LAMA2: variants seen among roughly 807,000 people sequenced by gnomAD.
LAMA2 encodes the protein laminin subunit alpha-2.
In LAMA2, 269 loss-of-function variants were observed where a neutral mutation model predicts 364.8. That is an observed-to-expected ratio of 0.74 (90% CI 0.67 to 0.82). The LOEUF (loss-of-function observed/expected upper bound fraction) is 0.82, where lower values mean the gene tolerates loss of function less well. Ranked by LOEUF, LAMA2 falls within the 40% of genes least tolerant of loss-of-function variation. The pLI is 0.00. For missense variants in LAMA2, 3,807 were observed against 3,873.2 expected, an observed-to-expected ratio of 0.98 and a Z score of 0.45; for synonymous variants, 1,379 against 1,370.6, an observed-to-expected ratio of 1.01 and a Z score of -0.14.
At chr6:129,033,390 G>T (rs1020004192) in intron 1 of LAMA2, among the ~76,000 whole-genome samples, 1 of 152,134 alleles carries the variant, frequency 6.6e-6, no homozygotes, top group African/African-American at 2.4e-5. Context: ...GGCCCATGGG[G>T]AACAGCATCT....
intron 8 of LAMA2, among the ~76,000 whole-genome samples, chr6:129,155,109 C>G (rs1259081602): frequency 6.6e-6 from 1 of 152,138 alleles, no homozygotes; most frequent in Non-Finnish European, 1.5e-5. Flanking sequence ...AGTAGTATTT[C>G]TCTGCACGAA....
In LAMA2 at chr6:129,503,074, A is replaced by G. The variant is rs151175617; in HGVS notation, c.8358-17A>G. The G allele has an allele frequency of 1.9e-6, 3 of 1,612,450 alleles. No homozygotes were observed. Among genetic ancestry groups the G allele is most frequent in the African/African-American group, 1.3e-5 (1 of 74,994 alleles). ...CTGTTATTTTTCTGTTTGACTTTGCATGCTTTTGTTTCACAGTCTCACAAT... is the reference window on the plus strand; with the variant it reads ...CTGTTATTTTTCTGTTTGACTTTGCGTGCTTTTGTTTCACAGTCTCACAAT... On this transcript the variant is annotated splice_polypyrimidine_tract_variant and intron_variant, in intron 59 of 64. Coordinates refer to ENST00000421865, the MANE Select transcript of LAMA2 (RefSeq NM_000426.4).
rs146455951 is a variant in LAMA2 at position 129,391,985 on chromosome 6, T to A, written c.5234+332T>A. ...GCTAATGAGTTTGTTTTGTTAATCATCTGCATTAGGGACTTTTGGACTATC... is the reference window on the plus strand; with the variant it reads ...GCTAATGAGTTTGTTTTGTTAATCAACTGCATTAGGGACTTTTGGACTATC... On this transcript the variant is annotated intron_variant, in intron 36 of 64. Coordinates refer to ENST00000421865, the MANE Select transcript of LAMA2 (RefSeq NM_000426.4). Among the ~76,000 whole-genome samples, 427 of 152,368 alleles carry A rather than the reference T, an allele frequency of 2.8e-3. 3 individuals are homozygous for A. Among genetic ancestry groups the A allele is most frequent in the African/African-American group, 0.01 (420 of 41,600 alleles).
In LAMA2 at chr6:129,098,509, G is replaced by A. The variant is rs57807123; in HGVS notation, c.639+94G>A. On this transcript the variant is annotated intron_variant, in intron 4 of 64. Coordinates refer to ENST00000421865, the MANE Select transcript of LAMA2 (RefSeq NM_000426.4). ...ATATATCAGTAATTAATGTCAGGGA[G>A]ATTTTAAAATAGGATTTAGCAAAAG... 1.3e-3 allele frequency: 1,849 copies of A among 1,419,968 alleles called. 19 individuals carry two copies. In the African/African-American group the frequency reaches 0.023, roughly 18 times the overall value. The allele number at this position is 1,419,968 out of a possible 1,614,324, so 88.0% of individuals were successfully genotyped here.
rs763259978 is a variant in LAMA2, at chr6:129,456,367, C to A, written c.6740C>A (p.Ala2247Asp). 3.1e-6 allele frequency: 5 copies of A among 1,613,566 alleles called. No homozygotes were observed. The South Asian group carries it at 3.3e-5, about 11-fold the overall frequency. ...TGRNGTISVR[A>D]LDGPKASIVP... is the part of the protein sequence containing the mutation. ...AGAAATGGAACTATTTCTGTGAGAG[C>A]CCTGGATGGACCCAAAGCCAGCATT... is the stretch of plus-strand genomic sequence containing the variant. Residue 2247 changes from alanine (A) to aspartate (D), a missense_variant, in exon 48 of 65, where the codon GCC becomes GAC. This residue lies in a region of LAMA2 where 3,333 missense variants were observed against 3,345.7 expected (regional missense o/e 1.00). Coordinates refer to ENST00000421865, the MANE Select transcript of LAMA2 (RefSeq NM_000426.4).
At chr6:128,915,090 G>C (rs1252762999) in intron 1 of LAMA2, among the ~76,000 whole-genome samples, 1 of 152,122 alleles carries the variant, frequency 6.6e-6, no homozygotes, top group Non-Finnish European at 1.5e-5. Flanking sequence ...ATAAGGTTGA[G>C]ATGGCTGAAT....
chr6:129,115,026 T>C (rs552174584), intron 4 of LAMA2, among the ~76,000 whole-genome samples: 1 of 152,216 alleles, frequency 6.6e-6, no homozygotes, highest in South Asian at 2.1e-4. Flanking sequence ...CACATAAGAA[T>C]ATTAATAACA....
intron 40 of LAMA2, among the ~76,000 whole-genome samples, chr6:129,418,985 A>G (rs548315639): frequency 1.3e-5 from 2 of 152,214 alleles, no homozygotes; most frequent in East Asian, 3.9e-4. Flanking sequence ...ACTACCTCAC[A>G]TACTGGTCAT....
chr6:129,086,410 T>TA (rs1383318022), intron 3 of LAMA2, among the ~76,000 whole-genome samples: 4 of 152,208 alleles, frequency 2.6e-5, no homozygotes, highest in African/African-American at 9.7e-5. Context: ...GCTAGCAACT[T>TA]ATAACAGTTT....
At chr6:129,430,578 T>C (rs1016421741) in intron 41 of LAMA2, among the ~76,000 whole-genome samples, 3 of 152,240 alleles carry the variant, frequency 2.0e-5, no homozygotes, top group African/African-American at 7.2e-5. Context: ...ATTTTGTTGA[T>C]GGATATGAGG....
At chr6:129,478,550 A>G (rs1220241039) in intron 53 of LAMA2, 143 bp from the exon 54 acceptor site, 10 of 807,128 alleles carry the variant, frequency 1.2e-5, no homozygotes, top group Non-Finnish European at 2.1e-5. Flanking sequence ...TGGAAACCAG[A>G]GTTTGCTGGG....
At chr6:129,489,616 A>G (rs2114854744) in intron 56 of LAMA2, among the ~76,000 whole-genome samples, 1 of 152,334 alleles carries the variant, frequency 6.6e-6, no homozygotes, top group East Asian at 1.9e-4. Flanking sequence ...AAATAGGCTA[A>G]AGGTCAGGAA....
chr6:129,074,832 A>G (rs900209391), intron 3 of LAMA2, among the ~76,000 whole-genome samples: 21 of 152,258 alleles, frequency 1.4e-4, no homozygotes. Flanking sequence ...AAATTGGCAT[A>G]TAAAGTAGGC....
chr6:129,463,521 G>A (rs1313215533), intron 49 of LAMA2, among the ~76,000 whole-genome samples: 1 of 151,958 alleles, frequency 6.6e-6, no homozygotes, highest in South Asian at 2.1e-4. Context: ...AGTAACATCA[G>A]ACAGATAGGT....
At chr6:129,117,305 C>CA (rs1776534550) in intron 4 of LAMA2, among the ~76,000 whole-genome samples, 1 of 152,122 alleles carries the variant, frequency 6.6e-6, no homozygotes, top group Non-Finnish European at 1.5e-5. Flanking sequence ...TGCAGTGTAA[C>CA]AAAGATGAAG....
At chr6:129,312,241 C>T (rs1038449386) in intron 22 of LAMA2, among the ~76,000 whole-genome samples, 1 of 151,704 alleles carries the variant, frequency 6.6e-6, no homozygotes, top group Admixed American at 6.6e-5. Flanking sequence ...ACATCTTGGG[C>T]GAAGAAAAAC....
intron 1 of LAMA2, among the ~76,000 whole-genome samples, chr6:129,015,103 A>C (rs1244193438): frequency 6.6e-6 from 1 of 152,160 alleles, no homozygotes; most frequent in Non-Finnish European, 1.5e-5. Flanking sequence ...TTATAGATAC[A>C]AGCATAGAGT....
chr6:129,113,728 C>T (rs1255531660), intron 4 of LAMA2, among the ~76,000 whole-genome samples: 1 of 151,918 alleles, frequency 6.6e-6, no homozygotes, highest in African/African-American at 2.4e-5. Flanking sequence ...GGAATAGTGT[C>T]CTGGGCAACA....
At chr6:129,030,327 G>A (rs1786135263) in intron 1 of LAMA2, among the ~76,000 whole-genome samples, 1 of 152,160 alleles carries the variant, frequency 6.6e-6, no homozygotes, top group South Asian at 2.1e-4. Context: ...TTGAAGGCAA[G>A]GGTCCTTGAC....
Sources: gnomAD v4.1 joint callset for allele counts (sites outside exome capture counted in the v4.1 genomes callset) on GRCh38, gnomAD v4.1.1 for gene constraint, gnomAD v4.1.1 regional missense constraint, MANE v1.5 for transcripts, NCBI Gene and HGNC (gene_info 2026-07-23, HGNC 2026-07-21) for gene names.